PTPRM: variants seen among roughly 807,000 people sequenced by gnomAD.
The protein encoded by PTPRM is protein tyrosine phosphatase receptor type M.
PTPRM carries 47 observed loss-of-function variants against 186.7 expected under a neutral mutation model. That is an observed-to-expected ratio of 0.25 (90% CI 0.20 to 0.32). The LOEUF (loss-of-function observed/expected upper bound fraction) is 0.32. Among genes scored for constraint, PTPRM ranks in the 10% least tolerant of loss-of-function variants. The pLI is 1.00. For missense variants in PTPRM, 1,494 were observed against 1,865.0 expected (o/e 0.80, Z 3.66); for synonymous variants, 668 against 674.9 (o/e 0.99, Z 0.16).
intron 19 of PTPRM, among the ~76,000 whole-genome samples, chr18:8,289,183 T>C (rs1330275376): frequency 6.6e-6 from 1 of 151,980 alleles, no homozygotes; most frequent in African/African-American, 2.4e-5. Context: ...TAAATTTCCT[T>C]ATCTATACAA....
At position 8,367,289 on chromosome 18, in the gene PTPRM, C is replaced by G. The variant is rs564782202; in HGVS notation, c.3055-3601C>G. Among the ~76,000 whole-genome samples, 27 of 152,330 alleles carry G rather than the reference C, an allele frequency of 1.8e-4. No homozygotes were observed. In the East Asian group the frequency reaches 4.6e-3, roughly 26 times the overall value. On this transcript the variant is annotated intron_variant, in intron 23 of 32. Transcript: ENST00000580170. Reference sequence around the variant, plus strand: ...GATGGGGAGGACCGGATTCGAAATGCCTGGGCCGCCTGTTCTGGGCCCGCC... The same window carrying G: ...GATGGGGAGGACCGGATTCGAAATGGCTGGGCCGCCTGTTCTGGGCCCGCC...
At position 8,021,317 on chromosome 18, in the gene PTPRM, G is replaced by GACACAC. The variant is rs35335855; in HGVS notation, c.1133-48331_1133-48326dup. On this transcript the variant is annotated intron_variant, in intron 7 of 32. Transcript: ENST00000580170. The stretch of plus-strand genomic sequence containing the variant: ...GTGATTTGTGCTTAAGCATAAAAGA[G>GACACAC]ACACACACACACACACACACACACA... Among the ~76,000 whole-genome samples, 246 of 142,986 alleles carry GACACAC rather than the reference G, an allele frequency of 1.7e-3. 2 individuals are homozygous for GACACAC. The East Asian group carries it at 0.023, about 13-fold the overall frequency. 93.8% of individuals were successfully genotyped at this position (142,986 alleles called of 152,430 possible).
At chr18:8,231,516 C>T (rs1231461086) in intron 14 of PTPRM, among the ~76,000 whole-genome samples, 4 of 152,080 alleles carry the variant, frequency 2.6e-5, no homozygotes, top group African/African-American at 7.2e-5. Flanking sequence ...GTTTCTTTAT[C>T]GGTTGTGATT....
intron 13 of PTPRM, among the ~76,000 whole-genome samples, chr18:8,127,600 A>G (rs965086393): frequency 6.6e-6 from 1 of 152,126 alleles, no homozygotes; most frequent in African/African-American, 2.4e-5. Context: ...CAAGAGCTAC[A>G]CAGACCCCCT....
intron 1 of PTPRM, among the ~76,000 whole-genome samples, chr18:7,589,910 A>G (rs1427782510): frequency 1.3e-5 from 2 of 152,230 alleles, no homozygotes; most frequent in Non-Finnish European, 2.9e-5. Context: ...AGAAGCAGAT[A>G]GAGCTGTAGA....
chr18:7,768,645 TA>T (rs1046912182), intron 1 of PTPRM, among the ~76,000 whole-genome samples: 2 of 92,224 alleles, frequency 2.2e-5, no homozygotes, highest in African/African-American at 1.4e-4. Context: ...TATATATATA[TA>T]TATTTTTTTT....
intron 7 of PTPRM, among the ~76,000 whole-genome samples, chr18:7,966,512 G>C (rs1338286988): frequency 6.6e-6 from 1 of 151,776 alleles, no homozygotes; most frequent in African/African-American, 2.4e-5. Flanking sequence ...CGACGCAGAA[G>C]ACGGGTGATT....
intron 14 of PTPRM, among the ~76,000 whole-genome samples, chr18:8,242,945 AGT>A (rs1252321733): frequency 3.9e-5 from 6 of 152,200 alleles, no homozygotes; most frequent in Non-Finnish European, 5.9e-5. Flanking sequence ...GATGCTGTTA[AGT>A]GCTTGGGCAC....
chr18:8,137,044 A>C (rs1320238689), intron 13 of PTPRM, among the ~76,000 whole-genome samples: 1 of 152,244 alleles, frequency 6.6e-6, no homozygotes, highest in Non-Finnish European at 1.5e-5. Context: ...TTTTGGGACC[A>C]GTGCTCTTTG....
At chr18:8,176,054 C>T (rs775495140) in intron 14 of PTPRM, among the ~76,000 whole-genome samples, 1 of 152,090 alleles carries the variant, frequency 6.6e-6, no homozygotes, top group Non-Finnish European at 1.5e-5. Flanking sequence ...AAGCAGTATT[C>T]ACAAAGTATT....
intron 2 of PTPRM, among the ~76,000 whole-genome samples, chr18:7,823,118 C>T (rs1023023066): frequency 1.1e-4 from 17 of 152,270 alleles, no homozygotes; most frequent in Admixed American, 4.6e-4. Flanking sequence ...AGTATCCGTT[C>T]TACTCTTGTT....
chr18:8,170,962 T>G (rs1444034721), intron 14 of PTPRM, among the ~76,000 whole-genome samples: 2 of 152,210 alleles, frequency 1.3e-5, no homozygotes, highest in African/African-American at 4.8e-5. Context: ...AAAAATAAAT[T>G]AGCTCTAAAT....
At chr18:8,223,836 A>C (rs759800756) in intron 14 of PTPRM, among the ~76,000 whole-genome samples, 1 of 152,216 alleles carries the variant, frequency 6.6e-6, no homozygotes, top group Non-Finnish European at 1.5e-5. Flanking sequence ...AAGCAAAACC[A>C]TAAATTTTCT....
chr18:7,666,816 TC>T (rs2039107436), intron 1 of PTPRM, among the ~76,000 whole-genome samples: 1 of 152,224 alleles, frequency 6.6e-6, no homozygotes, highest in Non-Finnish European at 1.5e-5. Flanking sequence ...ACTTGGAGGT[TC>T]CAAGAAAATC....
chr18:7,815,919 C>G (rs1402734489), intron 2 of PTPRM, among the ~76,000 whole-genome samples: 2 of 152,164 alleles, frequency 1.3e-5, no homozygotes, highest in Non-Finnish European at 2.9e-5. Flanking sequence ...GTAGTGAACA[C>G]AAGATCCACA....
intron 1 of PTPRM, among the ~76,000 whole-genome samples, chr18:7,690,119 G>T (rs1185232312): frequency 6.6e-6 from 1 of 152,162 alleles, no homozygotes; most frequent in Non-Finnish European, 1.5e-5. Flanking sequence ...AGCAAATCCT[G>T]AATTGTGATA....
chr18:7,688,308 G>A (rs2039655183), intron 1 of PTPRM, among the ~76,000 whole-genome samples: 1 of 152,112 alleles, frequency 6.6e-6, no homozygotes, highest in Non-Finnish European at 1.5e-5. Context: ...TCCTGATAGT[G>A]CCTGTGGCTT....
chr18:8,147,542 A>G (rs2092913652), intron 14 of PTPRM, among the ~76,000 whole-genome samples: 2 of 152,166 alleles, frequency 1.3e-5, no homozygotes, highest in Non-Finnish European at 2.9e-5. Flanking sequence ...TAAGGAGGTT[A>G]GGGGCTGAGA....
chr18:8,196,212 G>T (rs2093775972), intron 14 of PTPRM, among the ~76,000 whole-genome samples: 1 of 152,160 alleles, frequency 6.6e-6, no homozygotes, highest in South Asian at 2.1e-4. Flanking sequence ...TCGGGGAGTG[G>T]GGCCTGTCAC....
Sources: allele counts gnomAD v4.1 joint callset (sites outside exome capture counted in the v4.1 genomes callset), GRCh38; gene constraint gnomAD v4.1.1; transcripts MANE v1.5; gene names NCBI Gene and HGNC (gene_info 2026-07-23, HGNC 2026-07-21).